Variants in MSMB observed in about 807,000 individuals in gnomAD.
MSMB encodes the protein microseminoprotein beta, also known as beta-microseminoprotein.
Under a neutral mutation model 10.5 loss-of-function variants are expected in MSMB, and 10 were observed. The observed-to-expected ratio is 0.95, with a 90% CI of 0.59 to 1.62. MSMB has a LOEUF of 1.62. Among genes scored for constraint, MSMB ranks in the 40% most tolerant of loss-of-function variants. MSMB has a pLI of 0.00. For missense variants in MSMB, 126 were observed against 137.4 expected, an observed-to-expected ratio of 0.92 and a Z score of 0.42; for synonymous variants, 43 against 46.5, an observed-to-expected ratio of 0.93 and a Z score of 0.30.
Position 46,033,411 on chromosome 10 carries a change from C to T in MSMB, c.*11G>A. 2 of 1,613,226 alleles carry T rather than the reference C, an allele frequency of 1.2e-6. No homozygotes were observed. The highest frequency in any genetic ancestry group is 1.7e-6 in the Non-Finnish European group (2 of 1,179,274). On this transcript the variant is annotated 3_prime_UTR_variant, in exon 4 of 4. Coordinates refer to ENST00000582163, the MANE Select transcript of MSMB (RefSeq NM_002443.4). ...GCCTGGCCTGGGAGCCCTGTGCCTACTAGAAGCACATTAGATTATCCATTC... is the reference window on the plus strand; with the variant it reads ...GCCTGGCCTGGGAGCCCTGTGCCTATTAGAAGCACATTAGATTATCCATTC...
At chr10:46,046,005 GA>G (rs1246620008) in intron 1 of MSMB, among the ~76,000 whole-genome samples, 1 of 152,102 alleles carries the variant, frequency 6.6e-6, no homozygotes, top group Admixed American at 6.5e-5. Context: ...TTACTGGAAG[GA>G]AAAACAACTT....
chr10:46,040,200 T>A (rs781975253), intron 1 of MSMB, 109 bp from the exon 2 acceptor site: 6 of 809,344 alleles, frequency 7.4e-6, no homozygotes, highest in Non-Finnish European at 1.2e-5. Flanking sequence ...GAGGTTATGA[T>A]GTGGAGCTCA....
At chr10:46,034,588 G>A (rs868931731) in intron 3 of MSMB, among the ~76,000 whole-genome samples, 5 of 151,520 alleles carry the variant, frequency 3.3e-5, no homozygotes, top group African/African-American at 1.2e-4. Context: ...CACCTTGGGA[G>A]GCCGAGGCGG....
intron 1 of MSMB, among the ~76,000 whole-genome samples, chr10:46,045,709 G>A (rs1840880949): frequency 6.6e-6 from 1 of 152,048 alleles, no homozygotes; most frequent in African/African-American, 2.4e-5. Context: ...CAGAGTGTCG[G>A]GGTGGAAGAT....
In MSMB at chr10:46,033,369, G is replaced by A. The variant is rs1554927043; in HGVS notation, c.*53C>T. 6.2e-7 allele frequency: 1 copy of A among 1,603,570 alleles called. No individual in the cohort carries two copies. The highest frequency in any genetic ancestry group is 8.5e-7 in the Non-Finnish European group (1 of 1,174,184). On this transcript the variant is annotated 3_prime_UTR_variant, in exon 4 of 4. Transcript: ENST00000582163. Reference sequence around the variant, plus strand: ...GGCTACACAATCATTGACTATTAGAGGCCAGAGGAGAATGAGGCCTGGCCT... The same window carrying A: ...GGCTACACAATCATTGACTATTAGAAGCCAGAGGAGAATGAGGCCTGGCCT...
intron 1 of MSMB, among the ~76,000 whole-genome samples, chr10:46,045,648 C>T (rs1840878708): frequency 6.6e-6 from 1 of 152,176 alleles, no homozygotes; most frequent in Non-Finnish European, 1.5e-5. Context: ...TTAAAATGAC[C>T]TGGGCAGCTT....
intron 3 of MSMB, 52 bp downstream of exon 3, chr10:46,038,914 C>T: frequency 6.7e-7 from 1 of 1,497,602 alleles, no homozygotes; most frequent in East Asian, 2.3e-5. Flanking sequence ...AGTAGCTGTT[C>T]CTCAGAGAAC....
intron 3 of MSMB, among the ~76,000 whole-genome samples, chr10:46,038,579 T>C (rs1554927913): frequency 2.6e-5 from 4 of 152,154 alleles, no homozygotes; most frequent in Non-Finnish European, 5.9e-5. Flanking sequence ...TGAGCCATTG[T>C]GACTGGCCCA....
chr10:46,040,949 G>A (rs1211366035), intron 1 of MSMB, among the ~76,000 whole-genome samples: 4 of 147,246 alleles, frequency 2.7e-5, no homozygotes, highest in African/African-American at 7.5e-5. Context: ...GCGAGACTCC[G>A]TCTCAAAAAA....
intron 1 of MSMB, among the ~76,000 whole-genome samples, chr10:46,043,955 G>A (rs944968872): frequency 1.3e-5 from 2 of 152,048 alleles, no homozygotes; most frequent in African/African-American, 4.8e-5. Flanking sequence ...GATTATGGGC[G>A]TGAGCCACCG....
chr10:46,042,872 A>G (rs1257112877), intron 1 of MSMB, among the ~76,000 whole-genome samples: 1 of 152,152 alleles, frequency 6.6e-6, no homozygotes, highest in Non-Finnish European at 1.5e-5. Flanking sequence ...GATTATGACA[A>G]TTTTCTTCTT....
At chr10:46,043,435 G>GTCTCTCTC (rs149445497) in intron 1 of MSMB, among the ~76,000 whole-genome samples, 26,320 of 124,164 alleles carry the variant, frequency 0.21, 2,945 homozygotes, top group African/African-American at 0.35. Context: ...CTCCCTTTCT[G>GTCTCTCTC]TCTCTCTCTC....
chr10:46,037,241 A>G (rs1840629770), intron 3 of MSMB, among the ~76,000 whole-genome samples: 1 of 152,216 alleles, frequency 6.6e-6, no homozygotes, highest in Non-Finnish European at 1.5e-5. Flanking sequence ...CCTCCCCTAC[A>G]GATTCTGATC....
At chr10:46,033,874 A>G (rs563617345) in intron 3 of MSMB, among the ~76,000 whole-genome samples, 77 of 152,264 alleles carry the variant, frequency 5.1e-4, no homozygotes, top group African/African-American at 1.7e-3. Flanking sequence ...TGGCCAGCAT[A>G]TTGTTGCTAG....
chr10:46,033,479 G>A lies in MSMB; in HGVS notation c.288C>T (p.Ile96=), dbSNP rs1554927087. 14 of 1,613,954 alleles carry A rather than the reference G, an allele frequency of 8.7e-6. No individual in the cohort carries two copies. The highest frequency in any genetic ancestry group is 3.3e-5 in the South Asian group (3 of 91,084). ...TTTTTGGGTCCTTCTTCTCCACCAC[G>A]ATATACTTGCAGTCCTCCTTCTTGA... is the stretch of plus-strand genomic sequence containing the variant. ...RIFKKEDCKY[I]VVEKKDPKKT... is the part of the protein sequence containing the mutation. The change falls in exon 4 of 4, where the codon ATC becomes ATT. Residue 96 remains isoleucine, a synonymous_variant. Coordinates refer to ENST00000582163, the MANE Select transcript of MSMB (RefSeq NM_002443.4).
At chr10:46,034,616 G>A (rs2132410067) in intron 3 of MSMB, among the ~76,000 whole-genome samples, 1 of 151,876 alleles carries the variant, frequency 6.6e-6, no homozygotes, top group East Asian at 2.0e-4. Context: ...ACGAGGTCAG[G>A]AGATCGAGAC....
chr10:46,044,570 T>G, intron 1 of MSMB, among the ~76,000 whole-genome samples: 1 of 58,748 alleles, frequency 1.7e-5, no homozygotes, highest in African/African-American at 1.0e-4. Context: ...AGAGACTCCG[T>G]CTCAGAAAAA....
chr10:46,040,609 T>C (rs1286923305), intron 1 of MSMB, among the ~76,000 whole-genome samples: 1 of 152,220 alleles, frequency 6.6e-6, no homozygotes, highest in African/African-American at 2.4e-5. Context: ...AAAAGACCAA[T>C]TTGCTTTTTG....
chr10:46,033,982 T>C (rs1840530486), intron 3 of MSMB, among the ~76,000 whole-genome samples: 1 of 152,246 alleles, frequency 6.6e-6, no homozygotes, highest in African/African-American at 2.4e-5. Flanking sequence ...CAGGCCAGTG[T>C]CATGGAGCCC....
Sources: allele counts gnomAD v4.1 joint callset (sites outside exome capture counted in the v4.1 genomes callset), GRCh38; gene constraint gnomAD v4.1.1; transcripts MANE v1.5; gene names NCBI Gene and HGNC (gene_info 2026-07-23, HGNC 2026-07-21).